Variants in ZC2HC1A observed in about 807,000 individuals in gnomAD.
ZC2HC1A encodes zinc finger C2HC domain-containing protein 1A.
A neutral mutation model predicts 40.7 loss-of-function variants in ZC2HC1A; 28 were observed. That is an observed-to-expected ratio of 0.69 (90% confidence interval 0.51 to 0.94). The LOEUF (loss-of-function observed/expected upper bound fraction) is 0.94, where lower values mean the gene tolerates loss of function less well. Among genes scored for constraint, ZC2HC1A ranks in the 40% least tolerant of loss-of-function variants. The pLI, the probability that ZC2HC1A is intolerant of heterozygous loss-of-function variation, is 0.00. For synonymous variants in ZC2HC1A, 129 were observed against 129.2 expected (o/e 1.00, Z 0.01); for missense variants, 389 against 386.3 (o/e 1.01, Z -0.06).
At chr8:78,697,130 G>A (rs1810446427) in intron 5 of ZC2HC1A, among the ~76,000 whole-genome samples, 2 of 152,318 alleles carry the variant, frequency 1.3e-5, no homozygotes, top group Middle Eastern at 6.8e-3. Context: ...TTAAGGGAAT[G>A]TGAGCTGTTT....
At chr8:78,696,824 A>G (rs978828321) in intron 5 of ZC2HC1A, among the ~76,000 whole-genome samples, 3 of 152,240 alleles carry the variant, frequency 2.0e-5, no homozygotes, top group African/African-American at 4.8e-5. Context: ...GCTGAATTAT[A>G]TATATGGAAT....
At chr8:78,668,310 A>T (rs1299962194) in intron 1 of ZC2HC1A, among the ~76,000 whole-genome samples, 5 of 152,170 alleles carry the variant, frequency 3.3e-5, no homozygotes, top group African/African-American at 1.2e-4. Flanking sequence ...TTGGAAGTTA[A>T]AGTCTAGTAC....
intron 1 of ZC2HC1A, among the ~76,000 whole-genome samples, chr8:78,667,051 C>T (rs568807299): frequency 7.2e-5 from 11 of 152,252 alleles, no homozygotes; most frequent in African/African-American, 2.6e-4. Context: ...AGCTCCTTTC[C>T]CCCGTCTCCT....
At chr8:78,712,001 A>G in intron 7 of ZC2HC1A, 1 of 1,289,608 alleles carries the variant, frequency 7.8e-7, no homozygotes, top group Admixed American at 2.3e-5. Context: ...AATATGGACA[A>G]GTTAGGCCCT....
At chr8:78,676,038 TC>T in intron 2 of ZC2HC1A, 175 bp downstream of exon 2, 1 of 439,528 alleles carries the variant, frequency 2.3e-6, no homozygotes, top group Non-Finnish European at 3.9e-6. Context: ...ATGCTTTCTT[TC>T]CTTCAGAGTT....
chr8:78,696,939 CTTTGAGGAAG>C, intron 5 of ZC2HC1A, among the ~76,000 whole-genome samples: 2 of 152,292 alleles, frequency 1.3e-5, no homozygotes. Flanking sequence ...AAAATCTTAA[CTTTGAGGAAG>C]TTTTTTCCGT....
intron 1 of ZC2HC1A, among the ~76,000 whole-genome samples, chr8:78,667,710 A>G (rs889848087): frequency 2.6e-5 from 4 of 152,200 alleles, no homozygotes; most frequent in African/African-American, 7.2e-5. Flanking sequence ...AGCAAAGAAT[A>G]AAAATGATAA....
intron 8 of ZC2HC1A, 56 bp downstream of exon 8, chr8:78,715,384 T>A: frequency 6.8e-7 from 1 of 1,471,204 alleles, no homozygotes; most frequent in Non-Finnish European, 9.2e-7. Flanking sequence ...TATGATAGTT[T>A]TCCAAGGACC....
chr8:78,666,306 G>A, intron 1 of ZC2HC1A, 142 bp downstream of exon 1: 5 of 1,389,998 alleles, frequency 3.6e-6, no homozygotes, highest in Non-Finnish European at 3.9e-6. Flanking sequence ...GGAGGCTGGG[G>A]CCGAAGGGAA....
chr8:78,692,419 G>A (rs775610953), intron 5 of ZC2HC1A, among the ~76,000 whole-genome samples: 1 of 152,096 alleles, frequency 6.6e-6, no homozygotes, highest in Non-Finnish European at 1.5e-5. Context: ...GTTAGTTTCT[G>A]TTGACTTGAC....
chr8:78,712,088 AGTTATTAC>A (rs1413273514), intron 7 of ZC2HC1A: 1 of 1,288,104 alleles, frequency 7.8e-7, no homozygotes, highest in East Asian at 5.6e-5. Context: ...AAAAGACATG[AGTTATTAC>A]CTATTTACAA....
intron 3 of ZC2HC1A, among the ~76,000 whole-genome samples, chr8:78,680,249 C>T (rs80043811): frequency 0.023 from 3,108 of 137,838 alleles, 116 homozygotes; most frequent in African/African-American, 0.072. Flanking sequence ...AAGTACAGTC[C>T]GCAGTCCGGC....
intron 3 of ZC2HC1A, among the ~76,000 whole-genome samples, chr8:78,681,232 C>G (rs1196016006): frequency 2.0e-5 from 3 of 151,998 alleles, no homozygotes; most frequent in African/African-American, 7.3e-5. Flanking sequence ...CCTAAAACTT[C>G]TTGCAAATAG....
rs115942994 is a variant in ZC2HC1A at position 78,695,461 on chromosome 8, G to A, written c.505-1946G>A. 5.2e-3 allele frequency among the ~76,000 whole-genome samples: 794 copies of A among 152,202 alleles called. 8 individuals carry two copies. Among genetic ancestry groups the A allele is most frequent in the African/African-American group, 0.018 (729 of 41,542 alleles). On this transcript the variant is annotated intron_variant, in intron 5 of 8. Transcript: ENST00000263849. Reference sequence around the variant, plus strand: ...TCAATATGTAATAGGCCACATCAGCGCACTTTGTTTATGCTAATCATTTTG... The same window carrying A: ...TCAATATGTAATAGGCCACATCAGCACACTTTGTTTATGCTAATCATTTTG...
At chr8:78,707,568 A>G (rs1367694017) in intron 7 of ZC2HC1A, among the ~76,000 whole-genome samples, 1 of 152,232 alleles carries the variant, frequency 6.6e-6, no homozygotes, top group Non-Finnish European at 1.5e-5. Context: ...TTTGAGTACA[A>G]TAATTTTGTC....
intron 6 of ZC2HC1A, among the ~76,000 whole-genome samples, chr8:78,698,033 A>T (rs1224947896): frequency 6.6e-6 from 1 of 151,798 alleles, no homozygotes. Flanking sequence ...GTTGTTATTG[A>T]TGTCATCTGT....
At chr8:78,683,299 G>T (rs1809850263) in intron 3 of ZC2HC1A, among the ~76,000 whole-genome samples, 1 of 152,216 alleles carries the variant, frequency 6.6e-6, no homozygotes, top group African/African-American at 2.4e-5. Context: ...CTCCATGAGG[G>T]CCCCGCCCCT....
intron 1 of ZC2HC1A, among the ~76,000 whole-genome samples, chr8:78,669,967 C>CTTTTTTTTTTTTTTTTTT: frequency 8.1e-6 from 1 of 123,036 alleles, no homozygotes; most frequent in Non-Finnish European, 1.6e-5. Flanking sequence ...TTCTTTCTTT[C>CTTTTTTTTTTTTTTTTTT]TTTCTTTTTT....
chr8:78,671,346 TTAAAG>T (rs1385392294), intron 1 of ZC2HC1A, among the ~76,000 whole-genome samples: 1 of 152,200 alleles, frequency 6.6e-6, no homozygotes. Context: ...TTCTAGAATA[TTAAAG>T]TACTTTATTG....
Sources: allele counts gnomAD v4.1 joint callset (sites outside exome capture counted in the v4.1 genomes callset), GRCh38; gene constraint gnomAD v4.1.1; transcripts MANE v1.5; gene names NCBI Gene and HGNC (gene_info 2026-07-23, HGNC 2026-07-21).